The following FIP1L1 variants were observed in gnomAD, a reference collection of about 807,000 sequenced individuals.
The protein encoded by FIP1L1 is factor interacting with PAPOLA and CPSF1.
FIP1L1 carries 21 observed loss-of-function variants against 84.6 expected under a neutral mutation model. The ratio of observed to expected loss-of-function variants is 0.25; its 90% CI spans 0.18 to 0.36. The LOEUF (loss-of-function observed/expected upper bound fraction) is 0.36. Among genes scored for constraint, FIP1L1 ranks in the 10% least tolerant of loss-of-function variants. FIP1L1 has a pLI of 1.00. For synonymous variants in FIP1L1, 263 were observed against 242.3 expected (o/e 1.09, Z -0.80); for missense variants, 526 against 751.1 (o/e 0.70, Z 3.50).
intron 10 of FIP1L1, among the ~76,000 whole-genome samples, chr4:53,413,032 G>A (rs28414224): frequency 0.13 from 19,719 of 152,072 alleles, 2,546 homozygotes; most frequent in African/African-American, 0.32. Context: ...ACTTACAAAT[G>A]TAGCTTATTT....
At chr4:53,414,028 G>T (rs2149751479) in intron 10 of FIP1L1, among the ~76,000 whole-genome samples, 1 of 152,196 alleles carries the variant, frequency 6.6e-6, no homozygotes, top group East Asian at 1.9e-4. Flanking sequence ...GTTCTGTAAA[G>T]TATTGGCAAT....
chr4:53,389,279 T>C (rs1742848719), intron 5 of FIP1L1, among the ~76,000 whole-genome samples: 1 of 151,888 alleles, frequency 6.6e-6, no homozygotes. Flanking sequence ...TGACAACAAG[T>C]TGGAGGAATT....
rs144444061 is a variant in FIP1L1 at position 53,422,860 on chromosome 4, A to C, written c.924-3012A>C. On this transcript the variant is annotated intron_variant, in intron 11 of 17. Coordinates refer to ENST00000337488, the MANE Select transcript of FIP1L1 (RefSeq NM_030917.4). ...CCTCTGAATAGCTGGGACCACAAGC[A>C]TGTGCTACTATGCCTAGCTGATATT... is the stretch of plus-strand genomic sequence containing the variant. Among the ~76,000 whole-genome samples, 279 of 152,242 alleles carry C rather than the reference A, an allele frequency of 1.8e-3. 1 individual carries two copies. The highest frequency in any genetic ancestry group is 6.5e-3 in the African/African-American group (269 of 41,546).
In FIP1L1 at chr4:53,458,646, A is replaced by G. The variant is rs749232153; in HGVS notation, c.1500-7A>G. ...TTGTCAAGAAAACATTTCTATTTCAATTTCAGCGATGAAGAACGATACAGA... is the reference window on the plus strand; with the variant it reads ...TTGTCAAGAAAACATTTCTATTTCAGTTTCAGCGATGAAGAACGATACAGA... On this transcript the variant is annotated splice_polypyrimidine_tract_variant and splice_region_variant and intron_variant, in intron 16 of 17. Transcript: ENST00000337488. 16 of 1,606,548 alleles carry G rather than the reference A, an allele frequency of 1.0e-5. No homozygotes were observed. The highest frequency in any genetic ancestry group is 5.4e-5 in the African/African-American group (4 of 74,506).
At chr4:53,420,212 A>AAACAAAAAC (rs1761708158) in intron 11 of FIP1L1, among the ~76,000 whole-genome samples, 2 of 142,964 alleles carry the variant, frequency 1.4e-5, no homozygotes, top group African/African-American at 5.5e-5. Context: ...AAAAAAAAAA[A>AAACAAAAAC]AAAAAAAAAA....
At chr4:53,404,010 C>CT (rs34458530) in intron 10 of FIP1L1, among the ~76,000 whole-genome samples, 37,064 of 148,902 alleles carry the variant, frequency 0.25, 4,774 homozygotes, top group Non-Finnish European at 0.29. Flanking sequence ...ATAAAATGCA[C>CT]TTTTTTTTTT....
At chr4:53,405,661 G>T (rs10434435) in intron 10 of FIP1L1, among the ~76,000 whole-genome samples, 1 of 142,292 alleles carries the variant, frequency 7.0e-6, no homozygotes, top group Non-Finnish European at 1.5e-5. Flanking sequence ...TCTTCCATTT[G>T]TTTGTGTCCT....
At chr4:53,395,914 T>G (rs371694781) in intron 9 of FIP1L1, among the ~76,000 whole-genome samples, 2 of 97,878 alleles carry the variant, frequency 2.0e-5, no homozygotes, top group African/African-American at 7.4e-5. Context: ...TAACTGTATT[T>G]TATGATTTTT....
chr4:53,432,723 C>G (rs1767329925), intron 13 of FIP1L1, among the ~76,000 whole-genome samples: 1 of 152,286 alleles, frequency 6.6e-6, no homozygotes, highest in South Asian at 2.1e-4. Context: ...CCTAAGTCAT[C>G]TGAGTAATAG....
chr4:53,448,229 A>G (rs781328702), intron 15 of FIP1L1, among the ~76,000 whole-genome samples: 1 of 152,098 alleles, frequency 6.6e-6, no homozygotes, highest in African/African-American at 2.4e-5. Flanking sequence ...CATTTATTGA[A>G]TAGTCTGTCG....
At chr4:53,410,605 A>C (rs1217207387) in intron 10 of FIP1L1, among the ~76,000 whole-genome samples, 1 of 152,182 alleles carries the variant, frequency 6.6e-6, no homozygotes, top group Admixed American at 6.5e-5. Context: ...TCCATAGTCT[A>C]AAATAAACAT....
chr4:53,407,512 G>T (rs1247850249), intron 10 of FIP1L1, among the ~76,000 whole-genome samples: 1 of 152,060 alleles, frequency 6.6e-6, no homozygotes, highest in Non-Finnish European at 1.5e-5. Flanking sequence ...GAGTTCTGTA[G>T]ATGTCTATTA....
At position 53,459,294 on chromosome 4, in the gene FIP1L1, T is replaced by TTTTC; in HGVS notation, c.1638-7_1638-4dup. 6.7e-7 allele frequency: 1 copy of TTTTC among 1,493,348 alleles called. No homozygotes were observed. The highest frequency in any genetic ancestry group is 8.9e-7 in the Non-Finnish European group (1 of 1,120,900). 92.5% of individuals were successfully genotyped at this position (1,493,348 alleles called of 1,614,324 possible). The stretch of plus-strand genomic sequence containing the variant: ...GAACACACCTTTTTTTTTTTTTTTT[T>TTTTC]TTTCCAGTAATAGTAGACGTCGCCA... On this transcript the variant is annotated splice_region_variant and splice_polypyrimidine_tract_variant and intron_variant, in intron 17 of 17. Coordinates refer to ENST00000337488, the MANE Select transcript of FIP1L1 (RefSeq NM_030917.4).
chr4:53,405,480 T>G (rs914390847), intron 10 of FIP1L1, among the ~76,000 whole-genome samples: 7 of 151,944 alleles, frequency 4.6e-5, no homozygotes, highest in South Asian at 2.1e-4. Context: ...AGGATTGCCT[T>G]GGCGATGCGG....
intron 11 of FIP1L1, 173 bp from the exon 12 acceptor site, chr4:53,425,699 T>C (rs1039763785): frequency 8.4e-6 from 4 of 475,034 alleles, no homozygotes; most frequent in African/African-American, 6.0e-5. Context: ...AAAATTTTTA[T>C]GACAATGCAA....
At chr4:53,389,529 ATG>A (rs1207143065) in intron 5 of FIP1L1, among the ~76,000 whole-genome samples, 2 of 152,136 alleles carry the variant, frequency 1.3e-5, no homozygotes, top group Admixed American at 1.3e-4. Flanking sequence ...TTTTTAAAAT[ATG>A]TGTTAGCTGG....
chr4:53,392,364 C>T lies in FIP1L1; in HGVS notation c.705+866C>T, dbSNP rs1744684245. Reference sequence around the variant, plus strand: ...CTGTCCACCAGAATACTGCCTTATGCAGTGTGTGTGCTATGTCTGCAGATA... The same window carrying T: ...CTGTCCACCAGAATACTGCCTTATGTAGTGTGTGTGCTATGTCTGCAGATA... On this transcript the variant is annotated intron_variant, in intron 9 of 17. Coordinates refer to ENST00000337488, the MANE Select transcript of FIP1L1 (RefSeq NM_030917.4). 4.6e-5 allele frequency among the ~76,000 whole-genome samples: 7 copies of T among 152,184 alleles called. No individual in the cohort carries two copies. The South Asian group carries it at 1.5e-3, about 32-fold the overall frequency.
chr4:53,413,489 T>C (rs1166620019), intron 10 of FIP1L1, among the ~76,000 whole-genome samples: 1 of 152,122 alleles, frequency 6.6e-6, no homozygotes, highest in Non-Finnish European at 1.5e-5. Context: ...AGGATTCTTA[T>C]TCCTATTTCT....
intron 3 of FIP1L1, among the ~76,000 whole-genome samples, chr4:53,379,588 CTT>C (rs1736703125): frequency 1.3e-5 from 2 of 152,274 alleles, no homozygotes; most frequent in Admixed American, 1.3e-4. Context: ...AATATTTTAA[CTT>C]AATTGAAAAT....
Sources: gnomAD v4.1 joint callset for allele counts (sites outside exome capture counted in the v4.1 genomes callset) on GRCh38, gnomAD v4.1.1 for gene constraint, MANE v1.5 for transcripts, NCBI Gene and HGNC (gene_info 2026-07-23, HGNC 2026-07-21) for gene names.